GLRA3: variants seen among roughly 807,000 people sequenced by gnomAD.
GLRA3 encodes the protein glycine receptor subunit alpha-3.
A neutral mutation model predicts 60.4 loss-of-function variants in GLRA3; 44 were observed. That is an observed-to-expected ratio of 0.73 (90% CI 0.57 to 0.94). The LOEUF is 0.94. Ranked by LOEUF, GLRA3 falls within the 40% of genes least tolerant of loss-of-function variation. The pLI is 0.00. For synonymous variants in GLRA3, 223 were observed against 192.9 expected (o/e 1.16, Z -1.29); for missense variants, 508 against 564.6 (o/e 0.90, Z 1.02).
chr4:174,669,917 T>C (rs1457448229), intron 7 of GLRA3, among the ~76,000 whole-genome samples: 1 of 152,198 alleles, frequency 6.6e-6, no homozygotes, highest in Admixed American at 6.6e-5. Context: ...AATCACATAA[T>C]AACAAAACTT....
At chr4:174,656,118 A>T (rs1215417638) in intron 9 of GLRA3, among the ~76,000 whole-genome samples, 1 of 152,080 alleles carries the variant, frequency 6.6e-6, no homozygotes, top group East Asian at 1.9e-4. Flanking sequence ...CCACGTACAG[A>T]CCCAAACTAT....
intron 1 of GLRA3, among the ~76,000 whole-genome samples, chr4:174,801,107 G>T (rs755718024): frequency 1.3e-5 from 2 of 151,906 alleles, no homozygotes; most frequent in African/African-American, 4.8e-5. Flanking sequence ...TTCAACTCAG[G>T]ATATTTTCAA....
intron 2 of GLRA3, among the ~76,000 whole-genome samples, chr4:174,781,994 G>T (rs1256150581): frequency 2.3e-4 from 34 of 150,520 alleles, no homozygotes; most frequent in African/African-American, 8.3e-4. Context: ...TGATACCAAA[G>T]CCGGGCAGAG....
chr4:174,730,195 T>C (rs1308447899), intron 3 of GLRA3, among the ~76,000 whole-genome samples: 1 of 152,204 alleles, frequency 6.6e-6, no homozygotes, highest in African/African-American at 2.4e-5. Flanking sequence ...AATGGGGATA[T>C]GTGAACAAGC....
At chr4:174,730,364 C>T (rs573108449) in intron 3 of GLRA3, among the ~76,000 whole-genome samples, 1 of 152,298 alleles carries the variant, frequency 6.6e-6, no homozygotes, top group East Asian at 1.9e-4. Context: ...AAATCAGTTT[C>T]TCTCTGCTTT....
intron 5 of GLRA3, among the ~76,000 whole-genome samples, chr4:174,702,063 G>C (rs1735341308): frequency 1.3e-5 from 2 of 152,136 alleles, no homozygotes; most frequent in East Asian, 1.9e-4. Context: ...TCTACTGTTG[G>C]TAAAATGCTA....
chr4:174,778,668 T>C (rs773378214), intron 2 of GLRA3, among the ~76,000 whole-genome samples: 13 of 152,168 alleles, frequency 8.5e-5, no homozygotes, highest in Non-Finnish European at 5.9e-5. Context: ...ACTTGGGAAG[T>C]GCAAGGGGTC....
chr4:174,657,147 C>A (rs1374077851), intron 8 of GLRA3, among the ~76,000 whole-genome samples: 2 of 152,046 alleles, frequency 1.3e-5, no homozygotes, highest in Non-Finnish European at 2.9e-5. Flanking sequence ...GAGGAAGGAG[C>A]ATCAAATATT....
intron 3 of GLRA3, 125 bp from the exon 4 acceptor site, chr4:174,728,823 G>A: frequency 1.7e-6 from 1 of 604,492 alleles, no homozygotes; most frequent in South Asian, 2.2e-5. Flanking sequence ...CTTGGGGACG[G>A]GGTGTATAGT....
chr4:174,795,014 G>C (rs1367692518), intron 1 of GLRA3, among the ~76,000 whole-genome samples: 1 of 150,836 alleles, frequency 6.6e-6, no homozygotes, highest in Non-Finnish European at 1.5e-5. Context: ...AGAGAAAAAA[G>C]TTAGAAATAA....
At chr4:174,716,799 T>C (rs7685854) in intron 4 of GLRA3, among the ~76,000 whole-genome samples, 26,614 of 151,962 alleles carry the variant, frequency 0.18, 2,523 homozygotes, top group East Asian at 0.32. Flanking sequence ...CAACAAACAG[T>C]GGTTGTTAGT....
Position 174,819,546 on chromosome 4 carries a change from C to T in GLRA3, c.71+9195G>A, listed in dbSNP as rs532108710. Among the ~76,000 whole-genome samples, 42 of 152,272 alleles carry T rather than the reference C, an allele frequency of 2.8e-4. No individual in the cohort carries two copies. In the Middle Eastern group the frequency reaches 0.01, roughly 37 times the overall value. On this transcript the variant is annotated intron_variant, in intron 1 of 9. Transcript: ENST00000274093. ...CTCAAGATTCACTTAATATTTCCTC[C>T]TTCTTTATAAAGAATTTATACTCCT... is the stretch of plus-strand genomic sequence containing the variant.
intron 3 of GLRA3, among the ~76,000 whole-genome samples, chr4:174,755,773 G>C (rs1035723925): frequency 2.0e-5 from 3 of 151,958 alleles, no homozygotes; most frequent in Non-Finnish European, 4.4e-5. Context: ...AATTTCTGCA[G>C]AAAGAACAAA....
chr4:174,749,538 A>G (rs756771859), intron 3 of GLRA3, among the ~76,000 whole-genome samples: 58 of 152,264 alleles, frequency 3.8e-4, no homozygotes, highest in Non-Finnish European at 5.4e-4. Flanking sequence ...ACCTGAATTG[A>G]AGTACATGAT....
rs910664184 is a variant in GLRA3, at chr4:174,643,513, G to A, written c.*273C>T. 1 of 1,090,860 alleles carries A rather than the reference G, an allele frequency of 9.2e-7. No individual in the cohort carries two copies. The highest frequency in any genetic ancestry group is 1.1e-6 in the Non-Finnish European group (1 of 894,200). The allele number at this position is 1,090,860 out of a possible 1,614,324, so 67.6% of individuals were successfully genotyped here. On this transcript the variant is annotated 3_prime_UTR_variant, in exon 10 of 10. Coordinates refer to ENST00000274093, the MANE Select transcript of GLRA3 (RefSeq NM_006529.4). ...TATATAACATATAAACACATTGGCA[G>A]TAAAGCTTCCACTTACATGGTTTAC...
intron 3 of GLRA3, among the ~76,000 whole-genome samples, chr4:174,758,281 C>T (rs1416168173): frequency 6.6e-6 from 1 of 152,072 alleles, no homozygotes; most frequent in African/African-American, 2.4e-5. Context: ...CAGATACCAC[C>T]TCAGGGCTGT....
intron 7 of GLRA3, among the ~76,000 whole-genome samples, chr4:174,669,457 C>A (rs1361977475): frequency 6.6e-6 from 1 of 152,078 alleles, no homozygotes; most frequent in Non-Finnish European, 1.5e-5. Context: ...ATTTATTATC[C>A]TGGAGGGTGA....
At chr4:174,691,662 G>T (rs555687802) in intron 5 of GLRA3, among the ~76,000 whole-genome samples, 1 of 152,340 alleles carries the variant, frequency 6.6e-6, no homozygotes, top group South Asian at 2.1e-4. Context: ...CCGAGGTGCC[G>T]GGATTGCAGA....
intron 4 of GLRA3, among the ~76,000 whole-genome samples, chr4:174,716,017 T>G (rs1319267110): frequency 6.6e-6 from 1 of 152,214 alleles, no homozygotes; most frequent in Non-Finnish European, 1.5e-5. Flanking sequence ...AAAAGGTATC[T>G]TTCCTTGCAA....
Sources: gnomAD v4.1 joint callset for allele counts (sites outside exome capture counted in the v4.1 genomes callset) on GRCh38, gnomAD v4.1.1 for gene constraint, MANE v1.5 for transcripts, NCBI Gene and HGNC (gene_info 2026-07-23, HGNC 2026-07-21) for gene names.